ITGB2: variants seen among roughly 807,000 people sequenced by gnomAD.
ITGB2 encodes the protein integrin beta-2.
Under a neutral mutation model 86.8 loss-of-function variants are expected in ITGB2, and 56 were observed. That is an observed-to-expected ratio of 0.65 (90% CI 0.52 to 0.81). The LOEUF (loss-of-function observed/expected upper bound fraction) is 0.81. Among genes scored for constraint, ITGB2 ranks in the 30% least tolerant of loss-of-function variants. The pLI, the probability that ITGB2 is intolerant of heterozygous loss-of-function variation, is 0.00. For missense variants in ITGB2, 948 were observed against 1,061.2 expected (o/e 0.89, Z 1.48); for synonymous variants, 457 against 450.4 (o/e 1.01, Z -0.19).
chr21:44,898,141 T>C (rs932372634), intron 8 of ITGB2, among the ~76,000 whole-genome samples: 2 of 152,160 alleles, frequency 1.3e-5, no homozygotes, highest in Non-Finnish European at 2.9e-5. Flanking sequence ...CAGCTTGACC[T>C]CTGGAGGGCT....
At chr21:44,926,136 AATT>A (rs1568916405) in intron 1 of ITGB2, among the ~76,000 whole-genome samples, 38 of 151,874 alleles carry the variant, frequency 2.5e-4, no homozygotes, top group Middle Eastern at 3.4e-3. Flanking sequence ...TAAATAAATT[AATT>A]AATTAATTAA....
At chr21:44,903,229 G>T in intron 5 of ITGB2, 136 bp downstream of exon 5, 1 of 968,100 alleles carries the variant, frequency 1.0e-6, no homozygotes, top group Non-Finnish European at 1.6e-6. Flanking sequence ...CCCTGTGGAT[G>T]CCCTGGGGGG....
intron 8 of ITGB2, 107 bp from the exon 9 acceptor site, chr21:44,895,167 G>A (rs911502697): frequency 1.2e-5 from 10 of 816,328 alleles, no homozygotes; most frequent in African/African-American, 5.0e-5. Context: ...TGGCTGGGAC[G>A]GTCCTCAACG....
chr21:44,889,420 G>T lies in ITGB2; in HGVS notation c.1733C>A (p.Thr578Asn), dbSNP rs1335372766. The T allele has an allele frequency of 1.9e-6, 3 of 1,611,336 alleles. No homozygotes were observed. Among genetic ancestry groups the T allele is most frequent in the Non-Finnish European group, 2.5e-6 (3 of 1,179,252 alleles). ...FEGSACQCER[T>N]TEGCLNPRRV... is the part of the protein sequence containing the mutation. ...CCGCGGGTTCAGGCAGCCCTCAGTG[G>T]TCCTCTCGCACTGGCACGCTGAGCC... The change falls in exon 13 of 16, where the codon ACC (threonine) becomes AAC (asparagine). Residue 578 changes from threonine (T) to asparagine (N), a missense_variant. By Grantham distance (65) the Thr-to-Asn change is moderately conservative (BLOSUM62 0). Coordinates refer to ENST00000652462, the MANE Select transcript of ITGB2 (RefSeq NM_000211.5).
chr21:44,914,653 T>G (rs2084177630), intron 1 of ITGB2, among the ~76,000 whole-genome samples: 1 of 152,212 alleles, frequency 6.6e-6, no homozygotes, highest in African/African-American at 2.4e-5. Flanking sequence ...GCCAGCCTGG[T>G]GGCTGACGCC....
At chr21:44,926,113 T>G (rs549351858) in intron 1 of ITGB2, among the ~76,000 whole-genome samples, 1 of 151,666 alleles carries the variant, frequency 6.6e-6, no homozygotes, top group Non-Finnish European at 1.5e-5. Flanking sequence ...TCAAAAAATA[T>G]ATATACAATA....
At chr21:44,906,798 C>G (rs1030611827) in intron 4 of ITGB2, 117 bp downstream of exon 4, 1 of 1,116,654 alleles carries the variant, frequency 9.0e-7, no homozygotes, top group Non-Finnish European at 1.3e-6. Flanking sequence ...CACACCCGTC[C>G]GACCCGGACA....
chr21:44,898,891 T>C (rs374099321), intron 8 of ITGB2, among the ~76,000 whole-genome samples, 176 bp downstream of exon 8: 18 of 152,322 alleles, frequency 1.2e-4, no homozygotes, highest in African/African-American at 4.1e-4. Context: ...GCAGGCGTCC[T>C]GTCCCCGACG....
At chr21:44,907,240 A>G in intron 3 of ITGB2, 145 bp from the exon 4 acceptor site, 1 of 649,072 alleles carries the variant, frequency 1.5e-6, no homozygotes, top group Non-Finnish European at 2.6e-6. Context: ...GGACAGAGAC[A>G]GGGAGCTCCT....
At chr21:44,914,982 G>A (rs892650405) in intron 1 of ITGB2, among the ~76,000 whole-genome samples, 2 of 152,116 alleles carry the variant, frequency 1.3e-5, no homozygotes, top group Non-Finnish European at 2.9e-5. Context: ...AGACAGCAGA[G>A]AGAGGGCAGA....
At position 44,927,813 on chromosome 21, in the gene ITGB2, G is replaced by A. The variant is rs571185687; in HGVS notation, c.-4+841C>T. 7.2e-5 allele frequency: 11 copies of A among 152,402 alleles called. No homozygotes were observed. In the East Asian group the frequency reaches 1.7e-3, roughly 24 times the overall value. 9.4% of individuals were successfully genotyped at this position (152,402 alleles called of 1,614,324 possible). A position where few individuals can be genotyped will look rare whatever the true frequency, so the allele number is the denominator to read the frequency against. ...GGAAATGGAGTTGGGTGCCCCAGGT[G>A]GGGTGCTCCAACGAGCTCTTTCTCA... On this transcript the variant is annotated intron_variant, in intron 1 of 15. Transcript: ENST00000355153.
upstream of ITGB2, among the ~76,000 whole-genome samples, chr21:44,925,593 G>T (rs1330656264): frequency 6.6e-6 from 1 of 152,206 alleles, no homozygotes; most frequent in African/African-American, 2.4e-5. Context: ...AAAACAAAAA[G>T]ATCATTGTTG....
At chr21:44,892,214 G>T (rs1399775682) in intron 10 of ITGB2, among the ~76,000 whole-genome samples, 2 of 152,220 alleles carry the variant, frequency 1.3e-5, no homozygotes, top group Non-Finnish European at 2.9e-5. Context: ...CCGGCACCAG[G>T]ATCTCCCCGG....
intron 12 of ITGB2, 101 bp downstream of exon 12, chr21:44,889,877 C>A (rs2083760353): frequency 6.6e-7 from 1 of 1,518,416 alleles, no homozygotes; most frequent in Admixed American, 1.7e-5. Context: ...CCTCAGGATC[C>A]CCCCTTTCTG....
chr21:44,899,900 A>G (rs2083924213), intron 7 of ITGB2, among the ~76,000 whole-genome samples: 1 of 152,120 alleles, frequency 6.6e-6, no homozygotes, highest in African/African-American at 2.4e-5. Flanking sequence ...AGGCGGACTC[A>G]GGGGCAGCAG....
chr21:44,900,673 G>A (rs571822403), intron 6 of ITGB2, among the ~76,000 whole-genome samples, 198 bp from the exon 7 acceptor site: 9 of 152,194 alleles, frequency 5.9e-5, no homozygotes, highest in Middle Eastern at 3.4e-3. Flanking sequence ...CAAACACCCC[G>A]TGCACATGTG....
At chr21:44,913,786 C>T (rs1014485460) in intron 1 of ITGB2, among the ~76,000 whole-genome samples, 7 of 152,214 alleles carry the variant, frequency 4.6e-5, no homozygotes, top group South Asian at 2.1e-4. Flanking sequence ...GAGACCAAGA[C>T]CCCATCAGGC....
chr21:44,902,595 G>A (rs1457997774), intron 5 of ITGB2, among the ~76,000 whole-genome samples: 1 of 151,530 alleles, frequency 6.6e-6, no homozygotes, highest in African/African-American at 2.4e-5. Context: ...GTGTGAGCAT[G>A]CATTCGCGTG....
At chr21:44,916,849 CA>C (rs1163419463) in intron 1 of ITGB2, among the ~76,000 whole-genome samples, 3 of 113,628 alleles carry the variant, frequency 2.6e-5, no homozygotes, top group Non-Finnish European at 3.5e-5. Context: ...GCCTGGGCAA[CA>C]AGAGTGAAAC....
Sources: allele counts gnomAD v4.1 joint callset (sites outside exome capture counted in the v4.1 genomes callset), GRCh38; gene constraint gnomAD v4.1.1; transcripts MANE v1.5; gene names NCBI Gene and HGNC (gene_info 2026-07-23, HGNC 2026-07-21).